Variants in PCDHGA4 observed in about 807,000 individuals in gnomAD.
PCDHGA4 encodes protocadherin gamma subfamily A, 4.
Under a neutral mutation model 54.6 loss-of-function variants are expected in PCDHGA4, and 38 were observed. The observed-to-expected ratio is 0.70, with a 90% confidence interval of 0.54 to 0.91. The LOEUF (loss-of-function observed/expected upper bound fraction) is 0.91. Ranked by LOEUF, PCDHGA4 falls within the 40% of genes least tolerant of loss-of-function variation. PCDHGA4 has a pLI of 0.00. For missense variants in PCDHGA4, 1,298 were observed against 1,220.9 expected (o/e 1.06, Z -0.94); for synonymous variants, 511 against 512.9 (o/e 1.00, Z 0.05).
At chr5:141,383,396 C>T (rs749879106) in intron 1 of PCDHGA4, 64 of 1,613,910 alleles carry the variant, frequency 4.0e-5, no homozygotes, top group Non-Finnish European at 5.3e-5. Flanking sequence ...GGCACGAACT[C>T]CCTCCAGAGT....
intron 1 of PCDHGA4, chr5:141,421,230 G>T: frequency 6.3e-7 from 1 of 1,590,132 alleles, no homozygotes. Context: ...AGCCTGCCAT[G>T]GCGAATCGGC....
rs71583649 is a variant in PCDHGA4, at chr5:141,491,361, C to A, written c.2515-3446C>A. On this transcript the variant is annotated intron_variant, in intron 1 of 3. Transcript: ENST00000571252. The surrounding 1 kb of genome is among the most constrained non-coding windows in gnomAD (Gnocchi z 6.9). The stretch of plus-strand genomic sequence containing the variant: ...CGACCGTCAGTCTCTTATCCCTAGT[C>A]ACCTTCACCTTTCTGTCAGCGAAGT... 1.0e-3 allele frequency: 1,614 copies of A among 1,614,132 alleles called. 5 individuals carry two copies. The highest frequency in any genetic ancestry group is 5.1e-3 in the Middle Eastern group (31 of 6,062).
chr5:141,364,528 C>G (rs1445482375), intron 1 of PCDHGA4: 43 of 1,614,048 alleles, frequency 2.7e-5, no homozygotes, highest in Non-Finnish European at 3.6e-5. Flanking sequence ...GAGTCCGCAT[C>G]GTCTCCAGAG....
rs1206206519 is a variant in PCDHGA4 at position 141,432,127 on chromosome 5, C to G, written c.2515-62680C>G. ...ACCCGCCGGTCTTCCCTCAGGCCTC[C>G]TATTCCGCTTATATCCCAGAGAACA... On this transcript the variant is annotated intron_variant, in intron 1 of 3. Coordinates refer to ENST00000571252, the MANE Select transcript of PCDHGA4 (RefSeq NM_018917.4). The surrounding 1 kb of genome is among the most constrained non-coding windows in gnomAD (Gnocchi z 6.0). The G allele has an allele frequency of 6.8e-6, 11 of 1,614,160 alleles. No homozygotes were observed. The highest frequency in any genetic ancestry group is 8.5e-6 in the Non-Finnish European group (10 of 1,180,032).
chr5:141,395,413 GT>G, intron 1 of PCDHGA4: 2 of 791,446 alleles, frequency 2.5e-6, no homozygotes, highest in Non-Finnish European at 3.8e-6. Context: ...ATAGGTTATT[GT>G]TTCATTTGCT....
At position 141,400,101 on chromosome 5, in the gene PCDHGA4, G is replaced by A. The variant is rs778391200; in HGVS notation, c.2514+42480G>A. The A allele has an allele frequency of 8.1e-6, 13 of 1,613,948 alleles. No homozygotes were observed. The East Asian group carries it at 2.9e-4, about 36-fold the overall frequency. ...TCTCCGCCACCGCCACGCTGCACTT[G>A]GTCTTTGCTGACAGCTTGCAGGAGG... On this transcript the variant is annotated intron_variant, in intron 1 of 3. Coordinates refer to ENST00000571252, the MANE Select transcript of PCDHGA4 (RefSeq NM_018917.4).
chr5:141,432,133 C>G lies in PCDHGA4; in HGVS notation c.2515-62674C>G. ...CGGTCTTCCCTCAGGCCTCCTATTC[C>G]GCTTATATCCCAGAGAACAATCCCA... On this transcript the variant is annotated intron_variant, in intron 1 of 3. Transcript: ENST00000571252. The surrounding 1 kb of genome is among the most constrained non-coding windows in gnomAD (Gnocchi z 6.0). 1 of 1,614,142 alleles carries G rather than the reference C, an allele frequency of 6.2e-7. No homozygotes were observed. The highest frequency in any genetic ancestry group is 1.1e-5 in the South Asian group (1 of 91,070).
intron 1 of PCDHGA4, chr5:141,394,953 C>T (rs749925118): frequency 6.2e-7 from 1 of 1,613,886 alleles, no homozygotes; most frequent in Non-Finnish European, 8.5e-7. Context: ...GCTTCTGGGG[C>T]TCAGGCTGAG....
intron 1 of PCDHGA4, chr5:141,393,707 T>G (rs1296711922): frequency 6.2e-7 from 1 of 1,613,882 alleles, no homozygotes; most frequent in East Asian, 2.2e-5. Flanking sequence ...ATGAAAATAC[T>G]GGGGAAATAT....
At chr5:141,389,243 T>C (rs370534911) in intron 1 of PCDHGA4, 4 of 1,614,056 alleles carry the variant, frequency 2.5e-6, no homozygotes, top group Non-Finnish European at 3.4e-6. Flanking sequence ...TCTCACAGTC[T>C]TCCTATATAG....
At chr5:141,502,203 C>G (rs1562205141) in intron 2 of PCDHGA4, among the ~76,000 whole-genome samples, 1 of 152,122 alleles carries the variant, frequency 6.6e-6, no homozygotes. Context: ...ATAGAATCCA[C>G]CAGCAGATTT....
rs1328891530 is a variant in PCDHGA4 at position 141,356,648 on chromosome 5, A to G, written c.1541A>G (p.Asp514Gly). 1.2e-6 allele frequency: 2 copies of G among 1,613,954 alleles called. No individual in the cohort carries two copies. The highest frequency in any genetic ancestry group is 2.2e-5 in the East Asian group (1 of 44,882). ...SMTAQDPDSG[D>G]NARITYSLAE... ...ACTGCTCAAGACCCTGACAGTGGTG[A>G]CAATGCCCGAATCACTTACTCCCTG... Residue 514 changes from aspartate (D) to glycine (G), a missense_variant, in exon 1 of 4, where the codon GAC becomes GGC. Transcript: ENST00000571252.
Position 141,422,436 on chromosome 5 carries a change from C to T in PCDHGA4, c.2514+64815C>T, listed in dbSNP as rs200737047. The T allele has an allele frequency of 1.2e-5, 20 of 1,609,634 alleles. No homozygotes were observed. The East Asian group carries it at 4.0e-4, about 32-fold the overall frequency. On this transcript the variant is annotated intron_variant, in intron 1 of 3. Coordinates refer to ENST00000571252, the MANE Select transcript of PCDHGA4 (RefSeq NM_018917.4). The stretch of plus-strand genomic sequence containing the variant: ...TAGAAAAGACTTATGGAAATTATTA[C>T]AAATTGATAACAAGCAGAGTGCTGG...
chr5:141,419,638 C>G, intron 1 of PCDHGA4: 1 of 1,612,456 alleles, frequency 6.2e-7, no homozygotes, highest in Non-Finnish European at 8.5e-7. Context: ...AGGTGGTGGC[C>G]GTGGACGCGG....
chr5:141,412,983 G>A (rs1372992044), intron 1 of PCDHGA4: 1 of 557,334 alleles, frequency 1.8e-6, no homozygotes, highest in Admixed American at 3.6e-5. Context: ...CGCAGCCAGA[G>A]CTCAATCCGG....
At chr5:141,455,186 C>T (rs1436215310) in intron 1 of PCDHGA4, among the ~76,000 whole-genome samples, 3 of 151,542 alleles carry the variant, frequency 2.0e-5, no homozygotes, top group Non-Finnish European at 2.9e-5. Context: ...TTTTATTTCT[C>T]TACAAATTTA....
At chr5:141,393,589 C>T (rs1050679940) in intron 1 of PCDHGA4, 2 of 1,613,920 alleles carry the variant, frequency 1.2e-6, no homozygotes, top group Non-Finnish European at 1.7e-6. Flanking sequence ...CCCCCAGGCA[C>T]GCGGCTGCTT....
intron 1 of PCDHGA4, among the ~76,000 whole-genome samples, chr5:141,482,530 C>CAAAAAAAAAA (rs3074545): frequency 1.2e-3 from 90 of 76,428 alleles, no homozygotes; most frequent in African/African-American, 1.7e-3. Context: ...GACAGACATG[C>CAAAAAAAAAA]AAAAAAAAAA....
At chr5:141,406,259 ATCT>A (rs1419106691) in intron 1 of PCDHGA4, among the ~76,000 whole-genome samples, 1 of 151,904 alleles carries the variant, frequency 6.6e-6, no homozygotes, top group East Asian at 1.9e-4. Flanking sequence ...GTCTCAAACG[ATCT>A]TCCTGCTTCA....
Sources: gnomAD v4.1 joint callset for allele counts (sites outside exome capture counted in the v4.1 genomes callset) on GRCh38, gnomAD v4.1.1 for gene constraint, Gnocchi (gnomAD v3.1) non-coding constraint, MANE v1.5 for transcripts, NCBI Gene and HGNC (gene_info 2026-07-23, HGNC 2026-07-21) for gene names.